CDKAL1: variants seen among roughly 807,000 people sequenced by gnomAD.
CDKAL1 encodes the protein threonylcarbamoyladenosine tRNA methylthiotransferase.
A neutral mutation model predicts 68.2 loss-of-function variants in CDKAL1; 32 were observed. That is an observed-to-expected ratio of 0.47 (90% CI 0.35 to 0.63). The LOEUF (loss-of-function observed/expected upper bound fraction) is 0.63, where lower values mean the gene tolerates loss of function less well. Among genes scored for constraint, CDKAL1 ranks in the 30% least tolerant of loss-of-function variants. CDKAL1 has a pLI of 0.00. For synonymous variants in CDKAL1, 234 were observed against 244.3 expected, an observed-to-expected ratio of 0.96 and a Z score of 0.39; for missense variants, 606 against 696.7, an observed-to-expected ratio of 0.87 and a Z score of 1.47.
At chr6:21,134,676 C>T (rs944181554) in intron 13 of CDKAL1, among the ~76,000 whole-genome samples, 7 of 152,068 alleles carry the variant, frequency 4.6e-5, no homozygotes, top group African/African-American at 1.7e-4. Flanking sequence ...AAGTAAACTA[C>T]AGCTTCTGCT....
At chr6:20,975,183 G>T (rs777116507) in intron 10 of CDKAL1, among the ~76,000 whole-genome samples, 4 of 152,094 alleles carry the variant, frequency 2.6e-5, no homozygotes, top group African/African-American at 4.8e-5. Flanking sequence ...TGGCCATCCG[G>T]CTAACTACGA....
At chr6:20,540,740 G>C (rs550125077) in intron 2 of CDKAL1, among the ~76,000 whole-genome samples, 6 of 152,234 alleles carry the variant, frequency 3.9e-5, no homozygotes, top group Non-Finnish European at 8.8e-5. Flanking sequence ...ACAGGCGTGA[G>C]CCACCATGCC....
intron 10 of CDKAL1, among the ~76,000 whole-genome samples, chr6:20,976,155 A>G (rs925135928): frequency 2.6e-5 from 4 of 152,164 alleles, no homozygotes; most frequent in Admixed American, 2.6e-4. Flanking sequence ...TTCTCTTAGT[A>G]ATATCATTTA....
intron 9 of CDKAL1, among the ~76,000 whole-genome samples, chr6:20,911,626 A>G (rs962401363): frequency 6.6e-6 from 1 of 152,220 alleles, no homozygotes; most frequent in Non-Finnish European, 1.5e-5. Flanking sequence ...TTAGACCAGA[A>G]TAAACATGGT....
At chr6:20,592,337 A>T (rs1765626423) in intron 4 of CDKAL1, among the ~76,000 whole-genome samples, 1 of 152,188 alleles carries the variant, frequency 6.6e-6, no homozygotes, top group South Asian at 2.1e-4. Context: ...TTCCTATTCG[A>T]ATACCCTTTA....
chr6:21,075,886 T>C (rs983406116), intron 12 of CDKAL1, among the ~76,000 whole-genome samples: 1 of 152,196 alleles, frequency 6.6e-6, no homozygotes, highest in African/African-American at 2.4e-5. Context: ...GAAATCTTTA[T>C]ATTAGGAGTC....
chr6:20,726,422 G>A (rs934303251), intron 5 of CDKAL1, among the ~76,000 whole-genome samples: 3 of 152,184 alleles, frequency 2.0e-5, no homozygotes, highest in Non-Finnish European at 4.4e-5. Context: ...AAGCGACCTT[G>A]GGCAGATGTT....
chr6:20,917,147 A>G (rs1050306313), intron 9 of CDKAL1, among the ~76,000 whole-genome samples: 5 of 151,900 alleles, frequency 3.3e-5, no homozygotes, highest in African/African-American at 1.2e-4. Flanking sequence ...CGCCCAGCTG[A>G]TTTTTGTATT....
At chr6:21,116,526 G>A (rs531001289) in intron 13 of CDKAL1, among the ~76,000 whole-genome samples, 1 of 152,248 alleles carries the variant, frequency 6.6e-6, no homozygotes, top group African/African-American at 2.4e-5. Context: ...TGGCAGCAGG[G>A]CAGGAGAGAA....
intron 13 of CDKAL1, among the ~76,000 whole-genome samples, chr6:21,126,035 T>C (rs551076811): frequency 6.6e-5 from 10 of 152,248 alleles, no homozygotes; most frequent in Admixed American, 1.3e-4. Context: ...AAGAGGGTGA[T>C]GTTTTCCAAG....
At chr6:20,937,070 CAA>C (rs1359211297) in intron 9 of CDKAL1, among the ~76,000 whole-genome samples, 5 of 152,096 alleles carry the variant, frequency 3.3e-5, no homozygotes, top group African/African-American at 1.2e-4. Flanking sequence ...TACCCTTCTT[CAA>C]GTGTTTTTTT....
intron 9 of CDKAL1, among the ~76,000 whole-genome samples, chr6:20,884,191 A>G (rs1024686524): frequency 6.6e-6 from 1 of 152,240 alleles, no homozygotes; most frequent in Admixed American, 6.5e-5. Context: ...AATATAGCAC[A>G]TTAATGTAAC....
chr6:20,793,771 T>A (rs1478209834), intron 8 of CDKAL1, among the ~76,000 whole-genome samples: 1 of 147,868 alleles, frequency 6.8e-6, no homozygotes, highest in Non-Finnish European at 1.5e-5. Context: ...TGTTTTTTTT[T>A]AATTTTAAAT....
In CDKAL1 at chr6:20,952,103, C is replaced by T. The variant is rs145249400; in HGVS notation, c.743-3316C>T. Among the ~76,000 whole-genome samples, 886 of 151,896 alleles carry T rather than the reference C, an allele frequency of 5.8e-3. 4 individuals carry two copies. The highest frequency in any genetic ancestry group is 0.019 in the African/African-American group (784 of 41,418). On this transcript the variant is annotated intron_variant, in intron 9 of 15. Transcript: ENST00000274695. ...CCTCCCGAGTAGCTGGGACTACAGGCGCCCGCCACCATGCCCGGCTAATTT... is the reference window on the plus strand; with the variant it reads ...CCTCCCGAGTAGCTGGGACTACAGGTGCCCGCCACCATGCCCGGCTAATTT...
intron 7 of CDKAL1, among the ~76,000 whole-genome samples, chr6:20,762,719 GT>G (rs1167069370): frequency 6.6e-6 from 1 of 152,196 alleles, no homozygotes; most frequent in Non-Finnish European, 1.5e-5. Flanking sequence ...ATTAGTTCAT[GT>G]TAATGCTTAC....
intron 11 of CDKAL1, among the ~76,000 whole-genome samples, chr6:21,033,932 G>A (rs1317325778): frequency 6.6e-6 from 1 of 152,108 alleles, no homozygotes; most frequent in East Asian, 1.9e-4. Context: ...TGGGGCAGGA[G>A]CCAGGTTACA....
At position 20,802,622 on chromosome 6, in the gene CDKAL1, T is replaced by G. The variant is rs1232198062; in HGVS notation, c.638+21357T>G. The stretch of plus-strand genomic sequence containing the variant: ...TATATGTTCTTCAACATAAGCATTC[T>G]TTCCAGTTGGATGATTGCAAAGGGG... On this transcript the variant is annotated intron_variant, in intron 8 of 15. Coordinates refer to ENST00000274695, the MANE Select transcript of CDKAL1 (RefSeq NM_017774.3). Among the ~76,000 whole-genome samples, 3 of 152,278 alleles carry G rather than the reference T, an allele frequency of 2.0e-5. No homozygotes were observed. The East Asian group carries it at 5.8e-4, about 29-fold the overall frequency.
At chr6:21,080,392 C>T (rs1356374842) in intron 12 of CDKAL1, among the ~76,000 whole-genome samples, 2 of 152,186 alleles carry the variant, frequency 1.3e-5, no homozygotes, top group Non-Finnish European at 2.9e-5. Flanking sequence ...GCAGTGTAAA[C>T]AGTGTGCATG....
chr6:20,874,607 C>T (rs1760402715), intron 9 of CDKAL1, among the ~76,000 whole-genome samples: 2 of 152,038 alleles, frequency 1.3e-5, no homozygotes, highest in African/African-American at 2.4e-5. Flanking sequence ...CCTCCGCCTC[C>T]AGGTTCAAGC....
Sources: allele counts gnomAD v4.1 joint callset (sites outside exome capture counted in the v4.1 genomes callset), GRCh38; gene constraint gnomAD v4.1.1; transcripts MANE v1.5; gene names NCBI Gene and HGNC (gene_info 2026-07-23, HGNC 2026-07-21).